Variants in MDH1B observed in about 807,000 individuals in gnomAD.
MDH1B encodes the protein malate dehydrogenase 1B, also known as putative malate dehydrogenase 1B.
MDH1B carries 60 observed loss-of-function variants against 61.4 expected under a neutral mutation model. The ratio of observed to expected loss-of-function variants is 0.98; its 90% CI spans 0.79 to 1.21. The LOEUF is 1.21. Among genes scored for constraint, MDH1B ranks in the 50% most tolerant of loss-of-function variants. The pLI is 0.00. For missense variants in MDH1B, 587 were observed against 632.1 expected, an observed-to-expected ratio of 0.93 and a Z score of 0.76; for synonymous variants, 236 against 218.7, an observed-to-expected ratio of 1.08 and a Z score of -0.70.
intron 9 of MDH1B, among the ~76,000 whole-genome samples, chr2:206,742,105 A>T (rs557090843): frequency 7.9e-4 from 120 of 152,306 alleles, no homozygotes; most frequent in Admixed American, 6.7e-3. Context: ...AAAGAAAATG[A>T]TGAACTCAGA....
At chr2:206,752,210 G>C (rs1688490049) in intron 5 of MDH1B, among the ~76,000 whole-genome samples, 1 of 152,178 alleles carries the variant, frequency 6.6e-6, no homozygotes. Flanking sequence ...GGAAAAGGAT[G>C]GGGTAGAAGC....
intron 10 of MDH1B, 143 bp from the exon 11 acceptor site, chr2:206,739,804 C>T: frequency 1.4e-6 from 1 of 691,848 alleles, no homozygotes; most frequent in South Asian, 1.8e-5. Flanking sequence ...AGATGCTAGA[C>T]CACTGTTATA....
At chr2:206,740,469 G>T (rs957847793) in intron 10 of MDH1B, among the ~76,000 whole-genome samples, 2 of 152,104 alleles carry the variant, frequency 1.3e-5, no homozygotes, top group East Asian at 1.9e-4. Context: ...GGAAGAGGAG[G>T]CATTGGTCTT....
intron 7 of MDH1B, 95 bp downstream of exon 7, chr2:206,748,925 T>C (rs560849635): frequency 3.6e-5 from 37 of 1,017,028 alleles, no homozygotes; most frequent in African/African-American, 1.1e-4. Flanking sequence ...TAATGGACCA[T>C]GTTAAGAGCT....
At chr2:206,744,178 C>G (rs919230996) in intron 9 of MDH1B, among the ~76,000 whole-genome samples, 1 of 152,216 alleles carries the variant, frequency 6.6e-6, no homozygotes, top group Non-Finnish European at 1.5e-5. Context: ...CTTCTATCCG[C>G]AGGCATGAGC....
chr2:206,764,733 A>C (rs1470727573), intron 1 of MDH1B, among the ~76,000 whole-genome samples: 2 of 152,170 alleles, frequency 1.3e-5, no homozygotes. Flanking sequence ...ACCTACATGA[A>C]ATGCAAGGAC....
At chr2:206,751,909 C>T (rs1231832118) in intron 5 of MDH1B, among the ~76,000 whole-genome samples, 2 of 152,234 alleles carry the variant, frequency 1.3e-5, no homozygotes, top group Non-Finnish European at 2.9e-5. Flanking sequence ...TTTAAGTCCA[C>T]ACCACTTCTT....
rs745773561 is a variant in MDH1B at position 206,738,513 on chromosome 2, TG to T, written c.1529-3del. 2 of 1,577,812 alleles carry T rather than the reference TG, an allele frequency of 1.3e-6. No homozygotes were observed. The highest frequency in any genetic ancestry group is 2.3e-5 in the South Asian group (2 of 87,030). ...ATTCCACGGTTTTGCCTTCAAATTCTGTAAAAGGAAAAGAATGAAAAGACAT... is the reference window on the plus strand; with the variant it reads ...ATTCCACGGTTTTGCCTTCAAATTCTTAAAAGGAAAAGAATGAAAAGACAT... On this transcript the variant is annotated splice_polypyrimidine_tract_variant and splice_region_variant and intron_variant, in intron 11 of 11. Coordinates refer to ENST00000374412, the MANE Select transcript of MDH1B (RefSeq NM_001039845.3).
chr2:206,741,029 A>G lies in MDH1B; in HGVS notation c.1459+25T>C, dbSNP rs768120286. The G allele has an allele frequency of 2.5e-6, 4 of 1,612,746 alleles. No homozygotes were observed. In the South Asian group the frequency reaches 4.4e-5, roughly 18 times the overall value. On this transcript the variant is annotated intron_variant, in intron 10 of 11. Transcript: ENST00000374412. ...AGTCACGACTATTAGCAATATAGAC[A>G]TTGTTTATAACCCCACTGACTTACC...
intron 8 of MDH1B, among the ~76,000 whole-genome samples, chr2:206,746,023 C>T (rs191649843): frequency 2.6e-5 from 4 of 152,150 alleles, no homozygotes; most frequent in Admixed American, 6.5e-5. Context: ...CCACTGCACC[C>T]GGCAACTTAA....
At chr2:206,748,939 T>A (rs1461350991) in intron 7 of MDH1B, 81 bp downstream of exon 7, 4 of 1,229,718 alleles carry the variant, frequency 3.3e-6, no homozygotes, top group Non-Finnish European at 4.6e-6. Flanking sequence ...AAGAGCTAGA[T>A]GGGTGGGGAC....
intron 5 of MDH1B, among the ~76,000 whole-genome samples, chr2:206,752,331 T>G (rs1182573908): frequency 1.3e-5 from 2 of 152,058 alleles, no homozygotes; most frequent in Non-Finnish European, 2.9e-5. Context: ...AGAAAAGGGA[T>G]GATTGTTTGA....
At chr2:206,756,847 T>C in intron 4 of MDH1B, 51 bp downstream of exon 4, 1 of 1,596,264 alleles carries the variant, frequency 6.3e-7, no homozygotes, top group Non-Finnish European at 8.6e-7. Flanking sequence ...TCATTGTCCT[T>C]TCTAAATATA....
At chr2:206,743,692 C>T (rs1223223164) in intron 9 of MDH1B, among the ~76,000 whole-genome samples, 2 of 152,116 alleles carry the variant, frequency 1.3e-5, no homozygotes, top group East Asian at 3.8e-4. Flanking sequence ...AATCTGGCAC[C>T]ATGCTTCTTC....
chr2:206,758,173 G>A (rs1688870410), intron 2 of MDH1B, among the ~76,000 whole-genome samples: 1 of 152,174 alleles, frequency 6.6e-6, no homozygotes, highest in Admixed American at 6.5e-5. Flanking sequence ...GAAGGAAAGA[G>A]ACATTACCCC....
At chr2:206,745,351 G>C (rs988241625) in intron 9 of MDH1B, 2 of 578,276 alleles carry the variant, frequency 3.5e-6, no homozygotes, top group Non-Finnish European at 6.5e-6. Flanking sequence ...CCACTTTGTG[G>C]TAATTTGTTA....
chr2:206,765,231 G>A lies in MDH1B; in HGVS notation c.22+19C>T, dbSNP rs765900102. On this transcript the variant is annotated intron_variant, in intron 1 of 11. Coordinates refer to ENST00000374412, the MANE Select transcript of MDH1B (RefSeq NM_001039845.3). ...TCGGCGTTTTGAGCAATCTGCGGGC[G>A]GACGCGGGGATCACTCACCCGCGAT... 6.2e-6 allele frequency: 10 copies of A among 1,600,118 alleles called. No homozygotes were observed. Among genetic ancestry groups the A allele is most frequent in the Non-Finnish European group, 8.5e-6 (10 of 1,175,432 alleles).
intron 9 of MDH1B, among the ~76,000 whole-genome samples, chr2:206,742,835 C>G (rs1202803546): frequency 2.6e-5 from 4 of 151,566 alleles, no homozygotes; most frequent in East Asian, 3.9e-4. Context: ...CCTCAGCCTC[C>G]CAAGTAGCTG....
At position 206,755,506 on chromosome 2, in the gene MDH1B, C is replaced by A; in HGVS notation, c.414-1G>T. 6.2e-7 allele frequency: 1 copy of A among 1,607,664 alleles called. No homozygotes were observed. Among genetic ancestry groups the A allele is most frequent in the Non-Finnish European group, 8.5e-7 (1 of 1,176,582 alleles). ...GTTGTAGCAGGCAGGAGCAGAGGCA[C>A]TGATAAAAATGCAAAGCCGCATTGT... On this transcript the variant is annotated splice_acceptor_variant, in intron 4 of 11. Coordinates refer to ENST00000374412, the MANE Select transcript of MDH1B (RefSeq NM_001039845.3). LOFTEE classifies it high-confidence loss of function.
Sources: gnomAD v4.1 joint callset for allele counts (sites outside exome capture counted in the v4.1 genomes callset) on GRCh38, gnomAD v4.1.1 for gene constraint, MANE v1.5 for transcripts, NCBI Gene and HGNC (gene_info 2026-07-23, HGNC 2026-07-21) for gene names.